The following AP3B1 variants were observed in gnomAD, a reference collection of about 807,000 sequenced individuals.
AP3B1 encodes the protein adaptor related protein complex 3 subunit beta 1.
Under a neutral mutation model 132.5 loss-of-function variants are expected in AP3B1, and 61 were observed. The observed-to-expected ratio is 0.46, with a 90% CI of 0.37 to 0.57. The LOEUF is 0.57. Among genes scored for constraint, AP3B1 ranks in the 20% least tolerant of loss-of-function variants. The pLI, the probability that AP3B1 is intolerant of heterozygous loss-of-function variation, is 0.00. For synonymous variants in AP3B1, 388 were observed against 438.3 expected, an observed-to-expected ratio of 0.89 and a Z score of 1.43; for missense variants, 1,120 against 1,289.4, an observed-to-expected ratio of 0.87 and a Z score of 2.01.
At chr5:78,060,213 A>T (rs909569473) in intron 22 of AP3B1, among the ~76,000 whole-genome samples, 1 of 152,144 alleles carries the variant, frequency 6.6e-6, no homozygotes, top group Admixed American at 6.5e-5. Context: ...CTGAATGAGG[A>T]CTCTTAAGCA....
intron 11 of AP3B1, among the ~76,000 whole-genome samples, chr5:78,173,453 CATATAT>C (rs1744011658): frequency 6.6e-6 from 1 of 152,048 alleles, no homozygotes; most frequent in South Asian, 2.1e-4. Context: ...GGATTGGGTG[CATATAT>C]ATTTAGGATA....
chr5:78,278,883 T>C (rs1341110655), intron 1 of AP3B1, among the ~76,000 whole-genome samples: 2 of 152,030 alleles, frequency 1.3e-5, no homozygotes, highest in Non-Finnish European at 2.9e-5. Context: ...GCACGCTCCT[T>C]ATGAGAATCT....
intron 13 of AP3B1, among the ~76,000 whole-genome samples, chr5:78,160,119 T>A (rs1225586480): frequency 2.6e-4 from 40 of 152,308 alleles, no homozygotes; most frequent in African/African-American, 9.1e-4. Context: ...TATATTTGTC[T>A]TATATTACTA....
At chr5:78,073,565 A>G (rs1249292739) in intron 22 of AP3B1, among the ~76,000 whole-genome samples, 1 of 152,176 alleles carries the variant, frequency 6.6e-6, no homozygotes, top group African/African-American at 2.4e-5. Flanking sequence ...ATAATTTCAG[A>G]CTATGAACTG....
chr5:78,153,663 G>A (rs1742996761), intron 14 of AP3B1, among the ~76,000 whole-genome samples: 1 of 151,842 alleles, frequency 6.6e-6, no homozygotes, highest in Non-Finnish European at 1.5e-5. Flanking sequence ...TTTTAATGCA[G>A]GTGGTTTTCT....
intron 26 of AP3B1, among the ~76,000 whole-genome samples, chr5:78,008,097 TA>T (rs1290732746): frequency 6.6e-6 from 1 of 151,616 alleles, no homozygotes; most frequent in Admixed American, 6.6e-5. Flanking sequence ...ATAGGAAAGC[TA>T]AAAAATCTAA....
intron 2 of AP3B1, among the ~76,000 whole-genome samples, chr5:78,261,957 G>A (rs943191405): frequency 6.7e-6 from 1 of 150,362 alleles, no homozygotes; most frequent in Admixed American, 6.6e-5. Flanking sequence ...TGTCTTTTTA[G>A]TAGAGACCAC....
rs146871001 is a variant in AP3B1 at position 78,181,507 on chromosome 5, C to T, written c.942G>A (p.Ala314=). 6.5e-4 allele frequency: 1,046 copies of T among 1,612,038 alleles called. 7 individuals are homozygous for T. In the Admixed American group the frequency reaches 8.4e-3, roughly 13 times the overall value. The change falls in exon 8 of 27, where the codon GCG becomes GCA. Residue 314 remains alanine, a splice_region_variant and synonymous_variant. Transcript: ENST00000255194. ...TKPLLQSRNA[A]VVMAVAQLYW... Reference sequence around the variant, plus strand: ...ATTTCTTATAAGGATTTTAACATACCGCAGCATTCCTGCTCTGAAGCAAAG... The same window carrying T: ...ATTTCTTATAAGGATTTTAACATACTGCAGCATTCCTGCTCTGAAGCAAAG...
At chr5:78,010,902 G>A (rs1746593175) in intron 26 of AP3B1, among the ~76,000 whole-genome samples, 1 of 152,098 alleles carries the variant, frequency 6.6e-6, no homozygotes, top group Non-Finnish European at 1.5e-5. Context: ...TACACAGGAA[G>A]TGAAGATATT....
Position 78,174,190 on chromosome 5 carries a change from TCATCAAAGTCATTCTC to T in AP3B1, c.1167+1420_1167+1435del, listed in dbSNP as rs535759428. ...CCTTCTGAAGCCTACTTCCGTCAAC[TCATCAAAGTCATTCTC>T]CATCCAGCGTTGTTCTGTTGCTGGT... On this transcript the variant is annotated intron_variant, in intron 11 of 26. Transcript: ENST00000255194. Among the ~76,000 whole-genome samples the T allele has an allele frequency of 4.5e-3, 679 of 152,290 alleles. 4 individuals carry two copies. The highest frequency in any genetic ancestry group is 5.4e-3 in the Non-Finnish European group (365 of 68,014).
At chr5:78,089,155 A>C (rs758801447) in intron 22 of AP3B1, 1 of 444,426 alleles carries the variant, frequency 2.3e-6, no homozygotes, top group Non-Finnish European at 4.1e-6. Flanking sequence ...GATATATAAC[A>C]ATACCAGAGA....
intron 1 of AP3B1, among the ~76,000 whole-genome samples, chr5:78,279,211 T>C (rs981192058): frequency 1.3e-5 from 2 of 152,146 alleles, no homozygotes; most frequent in Admixed American, 6.5e-5. Context: ...TTATGAGATA[T>C]GGGATTGGAA....
At chr5:78,189,116 G>A (rs1744721384) in intron 7 of AP3B1, among the ~76,000 whole-genome samples, 1 of 151,960 alleles carries the variant, frequency 6.6e-6, no homozygotes, top group African/African-American at 2.4e-5. Flanking sequence ...AGAGCTAATG[G>A]ATGCTGGGCT....
chr5:78,049,022 T>C (rs1221660725), intron 22 of AP3B1, among the ~76,000 whole-genome samples: 1 of 152,224 alleles, frequency 6.6e-6, no homozygotes, highest in Non-Finnish European at 1.5e-5. Context: ...GCCATATCTG[T>C]AGGTCAAAAA....
chr5:78,278,472 G>A (rs1159842306), intron 1 of AP3B1, among the ~76,000 whole-genome samples: 1 of 126,540 alleles, frequency 7.9e-6, no homozygotes, highest in East Asian at 2.2e-4. Flanking sequence ...AGTGGCGGGC[G>A]CCTGTAGTCC....
chr5:78,076,630 G>A (rs1381242317), intron 22 of AP3B1, among the ~76,000 whole-genome samples: 2 of 152,178 alleles, frequency 1.3e-5, no homozygotes, highest in Non-Finnish European at 2.9e-5. Flanking sequence ...TTGGGGCGTT[G>A]AGCTACTTAA....
chr5:78,266,033 G>C (rs933239109), intron 2 of AP3B1, among the ~76,000 whole-genome samples: 1 of 152,172 alleles, frequency 6.6e-6, no homozygotes, highest in Non-Finnish European at 1.5e-5. Flanking sequence ...CAGATGCACA[G>C]TGACCAATCA....
chr5:78,193,757 TATATATATA>T (rs1744953774), intron 7 of AP3B1, among the ~76,000 whole-genome samples: 1 of 119,832 alleles, frequency 8.3e-6, no homozygotes, highest in African/African-American at 3.2e-5. Flanking sequence ...TATATATATA[TATATATATA>T]TATATTTTTT....
intron 6 of AP3B1, chr5:78,222,421 G>A (rs1444896600): frequency 6.5e-6 from 1 of 152,726 alleles, no homozygotes; most frequent in South Asian, 2.1e-4. Flanking sequence ...GAACCATCTG[G>A]AAGCAGTTTA....
Sources: gnomAD v4.1 joint callset for allele counts (sites outside exome capture counted in the v4.1 genomes callset) on GRCh38, gnomAD v4.1.1 for gene constraint, MANE v1.5 for transcripts, NCBI Gene and HGNC (gene_info 2026-07-23, HGNC 2026-07-21) for gene names.